RBFOX1: variants seen among roughly 807,000 people sequenced by gnomAD.
The protein encoded by RBFOX1 is RNA binding fox-1 homolog 1, also known as RNA binding protein fox-1 homolog 1.
RBFOX1 carries 8 observed loss-of-function variants against 57.7 expected under a neutral mutation model. That is an observed-to-expected ratio of 0.14 (90% CI 0.08 to 0.25). RBFOX1 has a LOEUF of 0.25. RBFOX1 is among the 10% of genes least tolerant of loss of function. RBFOX1 has a pLI of 1.00. For synonymous variants in RBFOX1, 326 were observed against 222.4 expected, an observed-to-expected ratio of 1.47 and a Z score of -4.15; for missense variants, 611 against 548.5, an observed-to-expected ratio of 1.11 and a Z score of -1.14.
intron 4 of RBFOX1, among the ~76,000 whole-genome samples, chr16:7,284,728 C>T (rs943721029): frequency 7.2e-5 from 11 of 152,186 alleles, no homozygotes; most frequent in African/African-American, 2.7e-4. Context: ...GCTCTGCGAC[C>T]TCACGGTTTA....
At chr16:7,398,215 A>T (rs766550773) in intron 4 of RBFOX1, among the ~76,000 whole-genome samples, 1 of 152,212 alleles carries the variant, frequency 6.6e-6, no homozygotes, top group Non-Finnish European at 1.5e-5. Context: ...AAGCATCAGT[A>T]TCATTGCCTG....
At chr16:5,869,863 C>A (rs781590646) in intron 4 of RBFOX1, among the ~76,000 whole-genome samples, 1 of 152,124 alleles carries the variant, frequency 6.6e-6, no homozygotes, top group Non-Finnish European at 1.5e-5. Context: ...CAAAACAACA[C>A]ATGCAAGAAT....
intron 5 of RBFOX1, among the ~76,000 whole-genome samples, chr16:7,568,025 A>G (rs2092308720): frequency 6.6e-6 from 1 of 152,014 alleles, no homozygotes; most frequent in African/African-American, 2.4e-5. Flanking sequence ...TTTGAAACTT[A>G]GTTGACTCAA....
chr16:7,509,019 A>G (rs1430332960), intron 4 of RBFOX1, among the ~76,000 whole-genome samples: 2 of 152,232 alleles, frequency 1.3e-5, no homozygotes, highest in African/African-American at 4.8e-5. Context: ...AGTTTTCATA[A>G]TAAAGGAAGA....
intron 3 of RBFOX1, among the ~76,000 whole-genome samples, chr16:6,781,843 G>A (rs572666462): frequency 4.6e-5 from 7 of 151,872 alleles, no homozygotes; most frequent in East Asian, 3.9e-4. Context: ...TGTTGATTTC[G>A]TTTTTATTTT....
At chr16:5,661,625 G>A (rs1020593986) in intron 3 of RBFOX1, among the ~76,000 whole-genome samples, 1 of 152,182 alleles carries the variant, frequency 6.6e-6, no homozygotes, top group South Asian at 2.1e-4. Flanking sequence ...TTGTGTAAAT[G>A]AGTATGACAA....
intron 1 of RBFOX1, among the ~76,000 whole-genome samples, chr16:5,413,158 T>G (rs2067068561): frequency 6.6e-6 from 1 of 152,168 alleles, no homozygotes; most frequent in Non-Finnish European, 1.5e-5. Context: ...TGAGTGCAGC[T>G]GCCAAATTGC....
intron 2 of RBFOX1, among the ~76,000 whole-genome samples, chr16:6,467,910 G>C (rs1319954138): frequency 6.6e-6 from 1 of 152,190 alleles, no homozygotes; most frequent in African/African-American, 2.4e-5. Flanking sequence ...TGAAACTGTA[G>C]AATATGGCCA....
At chr16:7,266,730 A>G (rs1567960366) in intron 4 of RBFOX1, among the ~76,000 whole-genome samples, 1 of 152,198 alleles carries the variant, frequency 6.6e-6, no homozygotes, top group Non-Finnish European at 1.5e-5. Context: ...AAAAGTAAGC[A>G]AAAAGTAAGA....
intron 2 of RBFOX1, among the ~76,000 whole-genome samples, chr16:5,490,551 G>A (rs1350392419): frequency 6.6e-6 from 1 of 152,202 alleles, no homozygotes; most frequent in Non-Finnish European, 1.5e-5. Flanking sequence ...TTTTGAGAAT[G>A]GAATCCCCCG....
chr16:7,179,801 C>T (rs560215826), intron 4 of RBFOX1, among the ~76,000 whole-genome samples: 1 of 152,028 alleles, frequency 6.6e-6, no homozygotes, highest in Non-Finnish European at 1.5e-5. Flanking sequence ...GTGGCATGAT[C>T]TCGGCTCACT....
chr16:5,482,833 A>G lies in RBFOX1; in HGVS notation c.258+15579A>G, dbSNP rs572604557. The stretch of plus-strand genomic sequence containing the variant: ...AGCAAAATATCATCAGCCTGATGTA[A>G]ATAAAATGGGGCATTCATTTCTTGC... On this transcript the variant is annotated intron_variant, in intron 2 of 2. Coordinates refer to the RBFOX1 transcript ENST00000585867. Among the ~76,000 whole-genome samples, 3 of 152,306 alleles carry G rather than the reference A, an allele frequency of 2.0e-5. No homozygotes were observed. The East Asian group carries it at 5.8e-4, about 29-fold the overall frequency.
chr16:7,599,780 A>T (rs8056603), intron 9 of RBFOX1, among the ~76,000 whole-genome samples: 2 of 150,516 alleles, frequency 1.3e-5, no homozygotes, highest in African/African-American at 4.9e-5. Context: ...CTACAGCCAC[A>T]TGCCACAATG....
chr16:5,472,275 G>A (rs750422115), intron 2 of RBFOX1, among the ~76,000 whole-genome samples: 10 of 152,134 alleles, frequency 6.6e-5, no homozygotes, highest in Non-Finnish European at 1.2e-4. Context: ...GGGGAGGAGG[G>A]CCTGGCATTG....
At chr16:6,977,661 C>G (rs1425026309) in intron 3 of RBFOX1, among the ~76,000 whole-genome samples, 3 of 152,136 alleles carry the variant, frequency 2.0e-5, no homozygotes, top group East Asian at 3.9e-4. Flanking sequence ...AGCTCTGGCA[C>G]TAACCGAGTG....
intron 2 of RBFOX1, among the ~76,000 whole-genome samples, chr16:6,482,647 C>T (rs1372348833): frequency 1.3e-5 from 2 of 152,176 alleles, no homozygotes; most frequent in Admixed American, 1.3e-4. Flanking sequence ...TAGTACGTAA[C>T]GTGGAAAAAG....
intron 3 of RBFOX1, among the ~76,000 whole-genome samples, chr16:6,737,630 A>G (rs1164132345): frequency 1.3e-5 from 2 of 152,174 alleles, no homozygotes; most frequent in Non-Finnish European, 2.9e-5. Context: ...GCAAATAAAT[A>G]CAGTTGGGAA....
At chr16:5,863,759 C>G (rs1043733586) in intron 3 of RBFOX1, among the ~76,000 whole-genome samples, 1 of 152,156 alleles carries the variant, frequency 6.6e-6, no homozygotes, top group Admixed American at 6.5e-5. Flanking sequence ...GGCCACAAGC[C>G]GTACCACTCC....
At chr16:7,024,446 C>T (rs1322906917) in intron 3 of RBFOX1, among the ~76,000 whole-genome samples, 2 of 152,136 alleles carry the variant, frequency 1.3e-5, no homozygotes, top group South Asian at 2.1e-4. Context: ...CATAATCTAC[C>T]ATGAATTTAT....
Sources: gnomAD v4.1 joint callset for allele counts (sites outside exome capture counted in the v4.1 genomes callset) on GRCh38, gnomAD v4.1.1 for gene constraint, MANE v1.5 for transcripts, NCBI Gene and HGNC (gene_info 2026-07-23, HGNC 2026-07-21) for gene names.